Variants in WWC2 observed in about 807,000 individuals in gnomAD.
WWC2 encodes the protein WW and C2 domain containing 2, also known as protein WWC2.
Under a neutral mutation model 138.5 loss-of-function variants are expected in WWC2, and 101 were observed. The ratio of observed to expected loss-of-function variants is 0.73; its 90% CI spans 0.62 to 0.86. WWC2 has a LOEUF of 0.86. WWC2 is among the 40% of genes least tolerant of loss of function. The probability of loss-of-function intolerance (pLI) is 0.00; values close to 1 mark genes in which losing one functional copy is unlikely to be tolerated. For synonymous variants in WWC2, 558 were observed against 538.4 expected (o/e 1.04, Z -0.50); for missense variants, 1,420 against 1,419.4 (o/e 1.00, Z -0.01).
rs186442472 is a variant in WWC2 at position 183,189,163 on chromosome 4, A to G, written c.132-4436A>G. Among the ~76,000 whole-genome samples the G allele has an allele frequency of 9.9e-5, 15 of 151,752 alleles. No homozygotes were observed. In the East Asian group the frequency reaches 2.1e-3, roughly 22 times the overall value. On this transcript the variant is annotated intron_variant, in intron 1 of 22. Transcript: ENST00000403733. ...TAGATAGAAGTTGTTGGCCAGGCGC[A>G]GTGGCTCATGCCTGTAATCCTAGCA... is the stretch of plus-strand genomic sequence containing the variant.
chr4:183,231,146 A>G (rs1319116342), intron 4 of WWC2, among the ~76,000 whole-genome samples: 3 of 151,876 alleles, frequency 2.0e-5, no homozygotes, highest in Non-Finnish European at 4.4e-5. Flanking sequence ...TTAAAATTAT[A>G]TATAATAGCT....
Position 183,320,250 on chromosome 4 carries a change from C to T in WWC2, c.*4521C>T, listed in dbSNP as rs531665862. 1.1e-5 allele frequency: 18 copies of T among 1,574,906 alleles called. 1 individual carries two copies. The highest frequency in any genetic ancestry group is 1.7e-4 in the Middle Eastern group (1 of 5,874). On this transcript the variant is annotated 3_prime_UTR_variant, in exon 23 of 23. Transcript: ENST00000403733. Reference sequence around the variant, plus strand: ...GTCCTGAGAGCTTTAGCCAAACTAACTCCTGCCCTTCGGTTGCTGTGAAAA... The same window carrying T: ...GTCCTGAGAGCTTTAGCCAAACTAATTCCTGCCCTTCGGTTGCTGTGAAAA...
At chr4:183,123,861 T>C (rs1732678511) in intron 1 of WWC2, among the ~76,000 whole-genome samples, 1 of 152,170 alleles carries the variant, frequency 6.6e-6, no homozygotes. Flanking sequence ...GTTAATTTTT[T>C]TTTAGGATTT....
intron 1 of WWC2, among the ~76,000 whole-genome samples, chr4:183,153,254 C>A (rs1733698119): frequency 6.6e-6 from 1 of 152,010 alleles, no homozygotes; most frequent in African/African-American, 2.4e-5. Context: ...TTATTTATAC[C>A]CATTTAATAA....
chr4:183,103,800 A>AT (rs1306579551), intron 1 of WWC2, among the ~76,000 whole-genome samples: 97 of 140,686 alleles, frequency 6.9e-4, no homozygotes, highest in Non-Finnish European at 9.5e-4. Flanking sequence ...TACCCAGATA[A>AT]TTTTTTTGTA....
chr4:183,208,667 T>A (rs964277601), intron 3 of WWC2, among the ~76,000 whole-genome samples: 2 of 152,306 alleles, frequency 1.3e-5, no homozygotes, highest in East Asian at 3.9e-4. Context: ...AACTCTGATA[T>A]ACTGCTGCAG....
rs539511097 is a variant in WWC2 at position 183,107,032 on chromosome 4, C to T, written c.131+7410C>T. ...TGTTTACCACCATTTTACATTCCCA[C>T]CAGCAGGGTATGAGTGTGCAAATTC... On this transcript the variant is annotated intron_variant, in intron 1 of 22. Transcript: ENST00000403733. Among the ~76,000 whole-genome samples the T allele has an allele frequency of 1.4e-4, 21 of 152,320 alleles. 2 individuals carry two copies. In the South Asian group the frequency reaches 4.4e-3, roughly 32 times the overall value.
chr4:183,253,450 A>C (rs990088763), intron 8 of WWC2, among the ~76,000 whole-genome samples: 12 of 152,042 alleles, frequency 7.9e-5, no homozygotes, highest in African/African-American at 2.9e-4. Flanking sequence ...CGCCCAGAGC[A>C]CTCAGCTTTT....
chr4:183,183,065 G>A (rs1024104220), intron 1 of WWC2, among the ~76,000 whole-genome samples: 2 of 152,232 alleles, frequency 1.3e-5, no homozygotes, highest in East Asian at 1.9e-4. Context: ...GAGTCTGAGT[G>A]TAGTAACATG....
At chr4:183,245,156 G>C (rs1207851412) in intron 5 of WWC2, among the ~76,000 whole-genome samples, 1 of 150,378 alleles carries the variant, frequency 6.6e-6, no homozygotes, top group African/African-American at 2.5e-5. Context: ...GAACCCAGGA[G>C]GCGTAGTTTG....
chr4:183,201,790 A>G (rs1178302305), intron 2 of WWC2, among the ~76,000 whole-genome samples: 3 of 152,212 alleles, frequency 2.0e-5, no homozygotes, highest in Non-Finnish European at 4.4e-5. Flanking sequence ...GAAAATTGAT[A>G]GTATTTCTAT....
chr4:183,263,282 G>T (rs780551325), intron 11 of WWC2, among the ~76,000 whole-genome samples: 153 of 152,266 alleles, frequency 1.0e-3, no homozygotes, highest in Non-Finnish European at 1.6e-3. Flanking sequence ...AGTGAGGCTG[G>T]ATGCTGGAGA....
intron 4 of WWC2, among the ~76,000 whole-genome samples, chr4:183,237,291 A>T (rs17074509): frequency 0.075 from 11,412 of 151,570 alleles, 1,452 homozygotes; most frequent in African/African-American, 0.26. Context: ...TATCAATTTT[A>T]GGACTGATTT....
At chr4:183,302,246 C>T (rs189110084) in intron 21 of WWC2, among the ~76,000 whole-genome samples, 1 of 152,250 alleles carries the variant, frequency 6.6e-6, no homozygotes, top group East Asian at 1.9e-4. Context: ...TTGTCTTTGT[C>T]GAGCCTTTTA....
chr4:183,109,162 C>T (rs550583849), intron 1 of WWC2, among the ~76,000 whole-genome samples: 6 of 152,198 alleles, frequency 3.9e-5, no homozygotes, highest in African/African-American at 1.4e-4. Context: ...TTTAGCCCTC[C>T]AGCTAAGAAT....
intron 2 of WWC2, among the ~76,000 whole-genome samples, chr4:183,206,709 A>T (rs1735456776): frequency 6.6e-6 from 1 of 152,156 alleles, no homozygotes; most frequent in African/African-American, 2.4e-5. Flanking sequence ...AGAGGGGTCC[A>T]GTACATGTCT....
At chr4:183,298,573 T>C (rs1475624301) in intron 21 of WWC2, among the ~76,000 whole-genome samples, 6 of 152,194 alleles carry the variant, frequency 3.9e-5, no homozygotes, top group Non-Finnish European at 7.4e-5. Flanking sequence ...TCACAACTTC[T>C]TTCTTCTTCC....
At chr4:183,253,033 T>A (rs2111340521) in intron 8 of WWC2, among the ~76,000 whole-genome samples, 1 of 152,278 alleles carries the variant, frequency 6.6e-6, no homozygotes. Context: ...CACACCTGGC[T>A]AATTTTTAAA....
At chr4:183,155,795 A>T (rs1733787604) in intron 1 of WWC2, among the ~76,000 whole-genome samples, 1 of 152,148 alleles carries the variant, frequency 6.6e-6, no homozygotes, top group South Asian at 2.1e-4. Context: ...CAGAGAATCT[A>T]CTCAGAGTCA....
Sources: allele counts gnomAD v4.1 joint callset (sites outside exome capture counted in the v4.1 genomes callset), GRCh38; gene constraint gnomAD v4.1.1; transcripts MANE v1.5; gene names NCBI Gene and HGNC (gene_info 2026-07-23, HGNC 2026-07-21).